MPHOSPH8: variants seen among roughly 807,000 people sequenced by gnomAD.
MPHOSPH8 encodes the protein M-phase phosphoprotein, mpp.
MPHOSPH8 carries 45 observed loss-of-function variants against 87.3 expected under a neutral mutation model. The ratio of observed to expected loss-of-function variants is 0.52; its 90% CI spans 0.41 to 0.66. The LOEUF is 0.66. MPHOSPH8 is among the 30% of genes least tolerant of loss of function. The pLI, the probability that MPHOSPH8 is intolerant of heterozygous loss-of-function variation, is 0.00. For synonymous variants in MPHOSPH8, 366 were observed against 376.9 expected, an observed-to-expected ratio of 0.97 and a Z score of 0.33; for missense variants, 883 against 1,020.2, an observed-to-expected ratio of 0.87 and a Z score of 1.83.
chr13:19,657,446 C>A (rs1388700365), intron 5 of MPHOSPH8, among the ~76,000 whole-genome samples: 4 of 150,160 alleles, frequency 2.7e-5, no homozygotes, highest in Non-Finnish European at 5.9e-5. Context: ...ATAGCTCATG[C>A]AATTTCAGCT....
rs1875535530 is a variant in MPHOSPH8, at chr13:19,661,710, A to G, written c.1804A>G (p.Met602Val). The change falls in exon 8 of 14, where the codon ATG becomes GTG. Residue 602 changes from methionine to valine, a missense_variant. By Grantham distance (21) the Met-to-Val change is conservative. Coordinates refer to ENST00000361479, the MANE Select transcript of MPHOSPH8 (RefSeq NM_017520.4). The part of the protein sequence containing the change: ...YNLDQEDSSG[M>V]TLVMLAAAGG... ...CAAACCAACACAGGATTCCAGTGGA[A>G]TGACACTGGTGATGCTTGCCGCCGC... The G allele has an allele frequency of 6.2e-7, 1 of 1,602,098 alleles. No homozygotes were observed.
Position 19,673,298 on chromosome 13 carries a change from C to CATTA in MPHOSPH8, c.*1424_*1427dup, listed in dbSNP as rs1303724353. On this transcript the variant is annotated 3_prime_UTR_variant, in exon 14 of 14. Transcript: ENST00000361479. ...AGAAGTTGAAAATTGTTTTGTTCCT[C>CATTA]ATTAGTTTATAATTGTATGAAATAC... is the stretch of plus-strand genomic sequence containing the variant. 5 of 355,828 alleles carry CATTA rather than the reference C, an allele frequency of 1.4e-5. No individual in the cohort carries two copies. Among genetic ancestry groups the CATTA allele is most frequent in the African/African-American group, 1.1e-4 (5 of 46,700 alleles). 22.0% of individuals were successfully genotyped at this position (355,828 alleles called of 1,614,324 possible). A position where few individuals can be genotyped will look rare whatever the true frequency, so the allele number is the denominator to read the frequency against.
At position 19,673,212 on chromosome 13, in the gene MPHOSPH8, C is replaced by T. The variant is rs75415579; in HGVS notation, c.*1337C>T. On this transcript the variant is annotated 3_prime_UTR_variant, in exon 14 of 14. Coordinates refer to ENST00000361479, the MANE Select transcript of MPHOSPH8 (RefSeq NM_017520.4). Reference sequence around the variant, plus strand: ...TCAGCTGTGTGGGAGCCACCACCCTCTCTGGGAAGAGTTCCTGCTTCTGTA... The same window carrying T: ...TCAGCTGTGTGGGAGCCACCACCCTTTCTGGGAAGAGTTCCTGCTTCTGTA... The T allele has an allele frequency of 2.5e-4, 109 of 430,344 alleles. 1 individual carries two copies. Among genetic ancestry groups the T allele is most frequent in the South Asian group, 1.6e-3 (95 of 58,992 alleles). 26.7% of individuals were successfully genotyped at this position (430,344 alleles called of 1,614,324 possible).
intron 9 of MPHOSPH8, among the ~76,000 whole-genome samples, chr13:19,665,024 G>A (rs1469574318): frequency 6.6e-6 from 1 of 152,126 alleles, no homozygotes; most frequent in Non-Finnish European, 1.5e-5. Context: ...GCAGAAGGCA[G>A]GCGGGAGTGC....
At chr13:19,656,531 G>A (rs991022830) in intron 5 of MPHOSPH8, among the ~76,000 whole-genome samples, 9 of 151,880 alleles carry the variant, frequency 5.9e-5, no homozygotes, top group African/African-American at 1.7e-4. Flanking sequence ...AGGCCGAGGC[G>A]GGTGGCTCAT....
At chr13:19,640,888 A>G (rs1247659266) in intron 1 of MPHOSPH8, among the ~76,000 whole-genome samples, 1 of 152,228 alleles carries the variant, frequency 6.6e-6, no homozygotes, top group African/African-American at 2.4e-5. Flanking sequence ...GTTATAACAA[A>G]AAGTGCTTGA....
At chr13:19,639,459 C>G (rs1030540131) in intron 1 of MPHOSPH8, among the ~76,000 whole-genome samples, 1 of 151,932 alleles carries the variant, frequency 6.6e-6, no homozygotes, top group South Asian at 2.1e-4. Context: ...TACAGGCACA[C>G]GCCACCACAC....
At chr13:19,638,381 G>A (rs1249955619) in intron 1 of MPHOSPH8, among the ~76,000 whole-genome samples, 2 of 152,002 alleles carry the variant, frequency 1.3e-5, no homozygotes, top group African/African-American at 4.8e-5. Context: ...TTGGGAAGCC[G>A]AGGCAGACGG....
intron 1 of MPHOSPH8, among the ~76,000 whole-genome samples, chr13:19,634,794 A>G (rs1197169592): frequency 6.6e-6 from 1 of 152,202 alleles, no homozygotes; most frequent in Non-Finnish European, 1.5e-5. Context: ...AGCATGGACA[A>G]TAAGAAAACA....
chr13:19,640,274 A>G (rs960915061), intron 1 of MPHOSPH8, among the ~76,000 whole-genome samples: 2 of 152,214 alleles, frequency 1.3e-5, no homozygotes, highest in African/African-American at 4.8e-5. Context: ...GTAAATATTA[A>G]TGATGAACTA....
At chr13:19,637,905 TC>T (rs1280991557) in intron 1 of MPHOSPH8, among the ~76,000 whole-genome samples, 1 of 151,602 alleles carries the variant, frequency 6.6e-6, no homozygotes, top group African/African-American at 2.4e-5. Flanking sequence ...ATTGAGACCA[TC>T]CTGGCTAACA....
rs958994285 is a variant in MPHOSPH8 at position 19,650,110 on chromosome 13, A to G, written c.1426A>G (p.Lys476Glu). ...RKREEIPLDFKTIDDHKTKEN... is the reference protein window; with the variant it reads ...RKREEIPLDFETIDDHKTKEN... ...AAGGGAAGAAATACCACTGGATTTT[A>G]AAACCATAGACGATCACAAAACCAA... The change falls in exon 5 of 14, where the codon AAA (lysine) becomes GAA (glutamate). Residue 476 changes from lysine (K) to glutamate (E), a missense_variant. Lys to Glu is a moderately conservative substitution (Grantham distance 56). Around this residue, in one of 3 missense-constraint regions of MPHOSPH8, gnomAD observed 741 missense variants for 841.5 expected, o/e 0.88. Transcript: ENST00000361479. 6.2e-7 allele frequency: 1 copy of G among 1,614,082 alleles called. No homozygotes were observed. Among genetic ancestry groups the G allele is most frequent in the Non-Finnish European group, 8.5e-7 (1 of 1,179,986 alleles).
At position 19,642,191 on chromosome 13, in the gene MPHOSPH8, A is replaced by C; in HGVS notation, c.290A>C (p.Glu97Ala). ...DDTWEPEIHL[E>A]DCKEVLLEFR... is the part of the protein sequence containing the mutation. The stretch of plus-strand genomic sequence containing the variant: ...ACCTGGGAGCCCGAGATTCACCTGG[A>C]GGACTGTAAAGAAGTGCTTCTTGAA... Residue 97 changes from glutamate to alanine, a missense_variant, in exon 2 of 14, where the codon GAG becomes GCG. By Grantham distance (107) the Glu-to-Ala change is moderately radical (BLOSUM62 -1). Coordinates refer to ENST00000361479, the MANE Select transcript of MPHOSPH8 (RefSeq NM_017520.4). The C allele has an allele frequency of 6.2e-7, 1 of 1,612,750 alleles. No individual in the cohort carries two copies. Among genetic ancestry groups the C allele is most frequent in the Non-Finnish European group, 8.5e-7 (1 of 1,179,552 alleles).
intron 1 of MPHOSPH8, among the ~76,000 whole-genome samples, chr13:19,639,082 CAA>C (rs201170839): frequency 1.4e-4 from 18 of 133,110 alleles, no homozygotes; most frequent in African/African-American, 2.6e-4. Flanking sequence ...GACTCCGTCT[CAA>C]AAAAAAAAAA....
At chr13:19,636,397 A>G (rs1345999930) in intron 1 of MPHOSPH8, among the ~76,000 whole-genome samples, 2 of 152,260 alleles carry the variant, frequency 1.3e-5, no homozygotes. Context: ...GGAAATACAT[A>G]CATACACCAC....
chr13:19,651,494 T>A (rs1234174965), intron 5 of MPHOSPH8, among the ~76,000 whole-genome samples: 4 of 148,366 alleles, frequency 2.7e-5, no homozygotes, highest in African/African-American at 1.0e-4. Context: ...ACCACAGCAC[T>A]CCAGCTTGGG....
chr13:19,645,331 T>C (rs113476433), intron 2 of MPHOSPH8, among the ~76,000 whole-genome samples: 93 of 152,338 alleles, frequency 6.1e-4, no homozygotes, highest in African/African-American at 2.2e-3. Context: ...AAAAGCTGTC[T>C]GTGGGGAGTT....
chr13:19,653,696 A>C (rs1368954070), intron 5 of MPHOSPH8, among the ~76,000 whole-genome samples: 2 of 152,220 alleles, frequency 1.3e-5, no homozygotes, highest in Non-Finnish European at 2.9e-5. Context: ...TAGAATAACA[A>C]GTTTAGGGAA....
chr13:19,660,890 A>G (rs1430390925), intron 7 of MPHOSPH8: 3 of 982,520 alleles, frequency 3.1e-6, no homozygotes, highest in Non-Finnish European at 2.4e-6. Flanking sequence ...ATGCCCCCCA[A>G]AAATTCACTG....
Sources: allele counts gnomAD v4.1 joint callset (sites outside exome capture counted in the v4.1 genomes callset), GRCh38; gene constraint gnomAD v4.1.1; regional missense constraint gnomAD v4.1.1; transcripts MANE v1.5; gene names NCBI Gene and HGNC (gene_info 2026-07-23, HGNC 2026-07-21).